MRTFA: variants seen among roughly 807,000 people sequenced by gnomAD.
MRTFA encodes the protein myocardin-related transcription factor A.
A neutral mutation model predicts 83.5 loss-of-function variants in MRTFA; 20 were observed. That is an observed-to-expected ratio of 0.24 (90% CI 0.17 to 0.35). The LOEUF is 0.35. MRTFA is among the 10% of genes least tolerant of loss of function. MRTFA has a pLI of 1.00. For missense variants in MRTFA, 1,200 were observed against 1,224.7 expected (o/e 0.98, Z 0.30); for synonymous variants, 659 against 541.2 (o/e 1.22, Z -3.02).
At chr22:40,620,832 A>G (rs531738111) in intron 1 of MRTFA, among the ~76,000 whole-genome samples, 4 of 152,266 alleles carry the variant, frequency 2.6e-5, no homozygotes, top group Admixed American at 2.6e-4. Context: ...TAACAATGTT[A>G]TATCAGCAGA....
At chr22:40,412,291 C>T in intron 14 of MRTFA, 1 of 158,802 alleles carries the variant, frequency 6.3e-6, no homozygotes, top group Non-Finnish European at 1.4e-5. Context: ...CTCAAACCCA[C>T]TGGAGTGGCT....
At chr22:40,564,218 T>C (rs2055670568) in intron 2 of MRTFA, among the ~76,000 whole-genome samples, 1 of 152,088 alleles carries the variant, frequency 6.6e-6, no homozygotes, top group East Asian at 1.9e-4. Context: ...AGAGGAGGAA[T>C]TTTATCTGTG....
At chr22:40,425,408 T>C (rs537095684) in intron 7 of MRTFA, among the ~76,000 whole-genome samples, 1 of 152,350 alleles carries the variant, frequency 6.6e-6, no homozygotes, top group East Asian at 1.9e-4. Context: ...GGAAGTATGC[T>C]GTGTGGGAAG....
At chr22:40,548,259 T>A (rs765801304) in intron 3 of MRTFA, among the ~76,000 whole-genome samples, 13 of 144,704 alleles carry the variant, frequency 9.0e-5, no homozygotes, top group Non-Finnish European at 1.6e-4. Context: ...CTCAGGAGGC[T>A]GAGGCACAAG....
At chr22:40,453,603 T>G (rs1309545336) in intron 4 of MRTFA, among the ~76,000 whole-genome samples, 1 of 152,170 alleles carries the variant, frequency 6.6e-6, no homozygotes, top group East Asian at 1.9e-4. Flanking sequence ...GGATTTGCCC[T>G]TGCCTTAGTC....
At chr22:40,450,310 A>C (rs966007704) in intron 4 of MRTFA, among the ~76,000 whole-genome samples, 1 of 152,330 alleles carries the variant, frequency 6.6e-6, no homozygotes, top group East Asian at 1.9e-4. Context: ...ACAGAAGAAG[A>C]AAGATGCCCA....
intron 3 of MRTFA, among the ~76,000 whole-genome samples, chr22:40,527,121 G>A (rs979179975): frequency 3.5e-4 from 52 of 149,084 alleles, no homozygotes; most frequent in African/African-American, 1.1e-3. Context: ...GCAAGACCTC[G>A]CCTCAAAGAT....
intron 3 of MRTFA, among the ~76,000 whole-genome samples, chr22:40,515,908 C>A (rs1463565021): frequency 2.0e-5 from 3 of 152,122 alleles, no homozygotes; most frequent in Non-Finnish European, 4.4e-5. Context: ...GTGACAAATT[C>A]TGTACACACA....
intron 4 of MRTFA, among the ~76,000 whole-genome samples, chr22:40,449,378 A>C (rs1264888383): frequency 6.6e-6 from 1 of 152,142 alleles, no homozygotes; most frequent in Admixed American, 6.5e-5. Flanking sequence ...GGAAGAAGAG[A>C]ATAAAAATAT....
chr22:40,498,076 G>A (rs1348735284), intron 3 of MRTFA, among the ~76,000 whole-genome samples: 2 of 151,554 alleles, frequency 1.3e-5, no homozygotes, highest in Non-Finnish European at 1.5e-5. Flanking sequence ...AGAGGTGGAG[G>A]GTGCAGTAAG....
At chr22:40,609,421 T>C (rs2056358119) in intron 1 of MRTFA, among the ~76,000 whole-genome samples, 1 of 141,350 alleles carries the variant, frequency 7.1e-6, no homozygotes, top group South Asian at 2.2e-4. Context: ...TTTGAGGCTA[T>C]GGTGAGCTAA....
intron 3 of MRTFA, among the ~76,000 whole-genome samples, chr22:40,480,640 T>C (rs2054072873): frequency 6.6e-6 from 1 of 151,538 alleles, no homozygotes; most frequent in Non-Finnish European, 1.5e-5. Context: ...AGGATAACGG[T>C]GGTCACATCT....
At chr22:40,595,328 G>C (rs2056176690) in intron 1 of MRTFA, among the ~76,000 whole-genome samples, 1 of 151,084 alleles carries the variant, frequency 6.6e-6, no homozygotes, top group Non-Finnish European at 1.5e-5. Flanking sequence ...TCACCATGTT[G>C]GCCAGGATGG....
At chr22:40,555,174 C>T (rs1270670660) in intron 2 of MRTFA, among the ~76,000 whole-genome samples, 1 of 152,162 alleles carries the variant, frequency 6.6e-6, no homozygotes, top group Non-Finnish European at 1.5e-5. Flanking sequence ...TGAGTTAAGA[C>T]TTTGGGGGAC....
rs780107588 is a variant in MRTFA, at chr22:40,431,532, GC to G, written c.364-53del. ...CTCAAATCCAGGTCACAGGCTTATG[GC>G]ATGGACAGGATCACAACAGCAGCCT... is the stretch of plus-strand genomic sequence containing the variant. On this transcript the variant is annotated intron_variant, in intron 5 of 14. Transcript: ENST00000355630. 3 of 1,537,414 alleles carry G rather than the reference GC, an allele frequency of 2.0e-6. No individual in the cohort carries two copies. In the East Asian group the frequency reaches 6.8e-5, roughly 35 times the overall value.
At chr22:40,628,932 C>T (rs1464679351) in intron 1 of MRTFA, among the ~76,000 whole-genome samples, 6 of 152,188 alleles carry the variant, frequency 3.9e-5, no homozygotes, top group Non-Finnish European at 7.3e-5. Context: ...TCTGCTTTAA[C>T]ACCTGCAGTG....
At chr22:40,447,447 C>A (rs2053402516) in intron 4 of MRTFA, among the ~76,000 whole-genome samples, 1 of 151,810 alleles carries the variant, frequency 6.6e-6, no homozygotes, top group South Asian at 2.1e-4. Flanking sequence ...GCCCTCCAAG[C>A]AGAGAACAGC....
intron 14 of MRTFA, chr22:40,412,581 C>T (rs778215369): frequency 4.6e-5 from 7 of 152,300 alleles, no homozygotes; most frequent in Non-Finnish European, 1.0e-4. Context: ...CTATGTCCAT[C>T]AATGGATGAA....
intron 3 of MRTFA, among the ~76,000 whole-genome samples, chr22:40,498,268 TATA>T (rs2054392229): frequency 2.1e-5 from 2 of 96,774 alleles, no homozygotes; most frequent in Admixed American, 1.0e-4. Flanking sequence ...TATATATATA[TATA>T]TATTTTTTTT....
Sources: allele counts gnomAD v4.1 joint callset (sites outside exome capture counted in the v4.1 genomes callset), GRCh38; gene constraint gnomAD v4.1.1; transcripts MANE v1.5; gene names NCBI Gene and HGNC (gene_info 2026-07-23, HGNC 2026-07-21).